Variants in ATR observed in about 807,000 individuals in gnomAD.
ATR encodes the protein serine/threonine-protein kinase ATR.
Under a neutral mutation model 305.3 loss-of-function variants are expected in ATR, and 142 were observed. The ratio of observed to expected loss-of-function variants is 0.47; its 90% confidence interval spans 0.41 to 0.53. ATR has a LOEUF of 0.53. ATR is among the 20% of genes least tolerant of loss of function. The pLI, the probability that ATR is intolerant of heterozygous loss-of-function variation, is 0.00. For missense variants in ATR, 2,135 were observed against 3,133.1 expected, an observed-to-expected ratio of 0.68 and a Z score of 7.60; for synonymous variants, 1,050 against 1,068.1, an observed-to-expected ratio of 0.98 and a Z score of 0.33.
chr3:142,540,853 A>T (rs2034024144), intron 18 of ATR, 51 bp downstream of exon 18: 1 of 1,540,346 alleles, frequency 6.5e-7, no homozygotes, highest in Non-Finnish European at 8.8e-7. Flanking sequence ...AGTTAGTGCT[A>T]CTGGAAAATG....
intron 35 of ATR, among the ~76,000 whole-genome samples, chr3:142,492,606 C>G (rs141213143): frequency 1.3e-5 from 2 of 152,020 alleles, no homozygotes; most frequent in Non-Finnish European, 2.9e-5. Context: ...ATACTTAACT[C>G]GTTAATTTTG....
chr3:142,575,578 T>C (rs1356935577), intron 1 of ATR, among the ~76,000 whole-genome samples: 2 of 152,084 alleles, frequency 1.3e-5, no homozygotes, highest in Non-Finnish European at 2.9e-5. Context: ...TCTCCTCTAG[T>C]GGCTAATGCT....
intron 15 of ATR, 150 bp from the exon 16 acceptor site, chr3:142,548,060 G>T (rs2034338936): frequency 2.8e-6 from 2 of 703,646 alleles, no homozygotes; most frequent in Non-Finnish European, 4.7e-6. Context: ...CATTGGAAAA[G>T]ATTCTAATCT....
At chr3:142,512,623 G>A (rs1373077673) in intron 26 of ATR, among the ~76,000 whole-genome samples, 153 bp from the exon 27 acceptor site, 1 of 152,166 alleles carries the variant, frequency 6.6e-6, no homozygotes, top group East Asian at 1.9e-4. Context: ...CACTTTGGGA[G>A]GCTGAGGCAG....
At chr3:142,521,959 T>A (rs2033165497) in intron 23 of ATR, among the ~76,000 whole-genome samples, 1 of 152,120 alleles carries the variant, frequency 6.6e-6, no homozygotes, top group Non-Finnish European at 1.5e-5. Flanking sequence ...AGTTCTACTG[T>A]GGGGAAAATG....
chr3:142,515,367 A>G (rs2032813376), intron 25 of ATR, 28 bp downstream of exon 25: 1 of 1,613,104 alleles, frequency 6.2e-7, no homozygotes. Flanking sequence ...ATTTCCATTC[A>G]GTTAACAAAC....
intron 2 of ATR, among the ~76,000 whole-genome samples, chr3:142,566,505 C>A (rs1393311891): frequency 6.6e-6 from 1 of 151,838 alleles, no homozygotes; most frequent in African/African-American, 2.4e-5. Context: ...TGCCTATAGT[C>A]CCAGCTACTC....
At chr3:142,558,579 T>C (rs1480606944) in intron 8 of ATR, 45 bp downstream of exon 8, 10 of 1,498,378 alleles carry the variant, frequency 6.7e-6, no homozygotes, top group South Asian at 1.2e-5. Context: ...GATAGATAGA[T>C]AGATAAATAA....
At chr3:142,569,803 T>C (rs1450024614) in intron 1 of ATR, among the ~76,000 whole-genome samples, 1 of 151,916 alleles carries the variant, frequency 6.6e-6, no homozygotes, top group Non-Finnish European at 1.5e-5. Flanking sequence ...TGCACCACCA[T>C]GCCTGGCTAA....
chr3:142,513,681 T>C lies in ATR; in HGVS notation c.4504-43A>G, dbSNP rs776438270. On this transcript the variant is annotated intron_variant, in intron 25 of 46. Transcript: ENST00000350721. The stretch of plus-strand genomic sequence containing the variant: ...GTAGACAGTAACACACTTTCACATA[T>C]TGATTAAATGTCAAAGAGTAGCATG... The C allele has an allele frequency of 6.3e-6, 10 of 1,593,338 alleles. No homozygotes were observed. The South Asian group carries it at 6.7e-5, about 11-fold the overall frequency.
In ATR at chr3:142,466,480, T is replaced by C; in HGVS notation, c.6741A>G (p.Lys2247=). ...TAAATGTTGCTTCTTCTACCAGCTTTTTAAGCATTTTAAAATGAGTGCTCA... is the reference window on the plus strand; with the variant it reads ...TAAATGTTGCTTCTTCTACCAGCTTCTTAAGCATTTTAAAATGAGTGCTCA... The part of the protein sequence containing the change: ...LSMSTHFKML[K]KLVEEATFSE... Residue 2247 remains lysine (K), a synonymous_variant, in exon 40 of 47, where the codon AAA becomes AAG. Coordinates refer to ENST00000350721, the MANE Select transcript of ATR (RefSeq NM_001184.4). 6.2e-7 allele frequency: 1 copy of C among 1,613,962 alleles called. No homozygotes were observed. The highest frequency in any genetic ancestry group is 8.5e-7 in the Non-Finnish European group (1 of 1,179,912).
rs1239095978 is a variant in ATR, at chr3:142,555,986, G to A, written c.2232C>T (p.Asn744=). 2 of 1,613,982 alleles carry A rather than the reference G, an allele frequency of 1.2e-6. No homozygotes were observed. Among genetic ancestry groups the A allele is most frequent in the Non-Finnish European group, 1.7e-6 (2 of 1,179,962 alleles). Residue 744 remains asparagine, a synonymous_variant, in exon 10 of 47, where the codon AAC becomes AAT. Transcript: ENST00000350721. ...ATTCATGTTGAGAAGTGGCTTTCAA[G>A]TTCCTACAGAAGAGGTCCACATGTC... is the stretch of plus-strand genomic sequence containing the variant. ...EHGHVDLFCR[N]LKATSQHECS...
At chr3:142,498,027 G>A (rs937276816) in intron 32 of ATR, among the ~76,000 whole-genome samples, 2 of 151,936 alleles carry the variant, frequency 1.3e-5, no homozygotes, top group Non-Finnish European at 2.9e-5. Flanking sequence ...ATCACCAAAC[G>A]GGTTGATACT....
At chr3:142,514,807 C>CAAAAA (rs56770183) in intron 25 of ATR, among the ~76,000 whole-genome samples, 135 of 99,580 alleles carry the variant, frequency 1.4e-3, no homozygotes, top group Non-Finnish European at 1.6e-3. Flanking sequence ...GACTCCGTCA[C>CAAAAA]AAAAAAAAAA....
Position 142,549,665 on chromosome 3 carries a change from T to C in ATR, c.2985A>G (p.Leu995=), listed in dbSNP as rs941741497. The change falls in exon 15 of 47, where the codon TTA becomes TTG. Residue 995 remains leucine, a synonymous_variant. Coordinates refer to ENST00000350721, the MANE Select transcript of ATR (RefSeq NM_001184.4). Reference sequence around the variant, plus strand: ...CAGCAAGATCAGGTAGTAGAACTTGTAATGTCCTCTGAAAAAGAATGCAAC... The same window carrying C: ...CAGCAAGATCAGGTAGTAGAACTTGCAATGTCCTCTGAAAAAGAATGCAAC... ...PDLNRFLTRT[L]QVLLPDLAAK... 1.6e-5 allele frequency: 26 copies of C among 1,613,396 alleles called. No individual in the cohort carries two copies. The highest frequency in any genetic ancestry group is 2.2e-5 in the Non-Finnish European group (26 of 1,179,686).
At chr3:142,526,799 T>G (rs948273113) in intron 21 of ATR, among the ~76,000 whole-genome samples, 1 of 151,786 alleles carries the variant, frequency 6.6e-6, no homozygotes, top group African/African-American at 2.4e-5. Context: ...TTTTGTTTTT[T>G]TTTTTTTGAG....
Position 142,449,374 on chromosome 3 carries a change from C to A in ATR, c.*55G>T. ...AATTGAACAGATACAACCACAGATT[C>A]ATACCAAATGCATTACTTTTAGATT... On this transcript the variant is annotated 3_prime_UTR_variant, in exon 47 of 47. Coordinates refer to ENST00000350721, the MANE Select transcript of ATR (RefSeq NM_001184.4). 1.3e-6 allele frequency: 2 copies of A among 1,510,954 alleles called. No homozygotes were observed. The highest frequency in any genetic ancestry group is 1.8e-6 in the Non-Finnish European group (2 of 1,087,848). 93.6% of individuals were successfully genotyped at this position (1,510,954 alleles called of 1,614,324 possible). A position where few individuals can be genotyped will look rare whatever the true frequency, so the allele number is the denominator to read the frequency against.
Position 142,547,928 on chromosome 3 carries a change from TA to T in ATR, c.3172-19del, listed in dbSNP as rs574734712. ...GTTTCATTCTAACCCAAAGACATGT[TA>T]AAAAAAATTTTTTTCTTCATACTAA... is the stretch of plus-strand genomic sequence containing the variant. On this transcript the variant is annotated intron_variant, in intron 15 of 46. Coordinates refer to ENST00000350721, the MANE Select transcript of ATR (RefSeq NM_001184.4). 5.5e-4 allele frequency: 879 copies of T among 1,612,708 alleles called. 6 individuals carry two copies. The highest frequency in any genetic ancestry group is 5.3e-3 in the South Asian group (480 of 90,926).
chr3:142,462,728 A>G (rs1383042204), intron 41 of ATR, among the ~76,000 whole-genome samples: 2 of 152,182 alleles, frequency 1.3e-5, no homozygotes, highest in Non-Finnish European at 2.9e-5. Context: ...TCGGCCTCCC[A>G]AAGTGCTGGG....
Sources: allele counts gnomAD v4.1 joint callset (sites outside exome capture counted in the v4.1 genomes callset), GRCh38; gene constraint gnomAD v4.1.1; transcripts MANE v1.5; gene names NCBI Gene and HGNC (gene_info 2026-07-23, HGNC 2026-07-21).